GSE1: variants seen among roughly 807,000 people sequenced by gnomAD.
GSE1 encodes genetic suppressor element 1.
Under a neutral mutation model 112.6 loss-of-function variants are expected in GSE1, and 32 were observed. That is an observed-to-expected ratio of 0.28 (90% CI 0.21 to 0.38). GSE1 has a LOEUF of 0.38. GSE1 is among the 10% of genes least tolerant of loss of function. GSE1 has a pLI of 1.00. For missense variants in GSE1, 2,348 were observed against 1,699.2 expected, an observed-to-expected ratio of 1.38 and a Z score of -6.71; for synonymous variants, 1,115 against 735.6, an observed-to-expected ratio of 1.52 and a Z score of -8.35.
At chr16:85,499,747 A>C (rs952554373) in intron 2 of GSE1, among the ~76,000 whole-genome samples, 5 of 152,250 alleles carry the variant, frequency 3.3e-5, no homozygotes, top group African/African-American at 1.2e-4. Context: ...ATAAAAGGTA[A>C]AATTTCAACC....
chr16:85,195,165 A>G (rs963079529), intron 1 of GSE1, among the ~76,000 whole-genome samples: 3 of 152,158 alleles, frequency 2.0e-5, no homozygotes, highest in Admixed American at 2.0e-4. Context: ...AATTTTAAGT[A>G]CTTTAATATT....
chr16:85,507,149 C>A (rs1167319395), intron 2 of GSE1, among the ~76,000 whole-genome samples: 1 of 152,190 alleles, frequency 6.6e-6, no homozygotes, highest in African/African-American at 2.4e-5. Flanking sequence ...GCTCGCCGGC[C>A]CTGAACCACG....
intron 1 of GSE1, among the ~76,000 whole-genome samples, chr16:85,217,023 C>T (rs2075316056): frequency 1.3e-5 from 2 of 152,144 alleles, no homozygotes; most frequent in Admixed American, 6.5e-5. Context: ...GACACAGGGC[C>T]GTAGAGGCGA....
At chr16:85,357,611 G>A (rs1396813629) in exon 2 of GSE1, 43 of 1,288,898 alleles carry the variant, frequency 3.3e-5, no homozygotes, top group East Asian at 5.5e-5. Flanking sequence ...CAGAGCAGCC[G>A]GGAGGAGGAC....
rs1281814943 is a variant in GSE1 at position 85,428,036 on chromosome 16, G to A, written c.2464+70393G>A. Among the ~76,000 whole-genome samples the A allele has an allele frequency of 2.0e-5, 3 of 152,314 alleles. No homozygotes were observed. In the South Asian group the frequency reaches 6.2e-4, roughly 32 times the overall value. On this transcript the variant is annotated intron_variant, in intron 2 of 2. Transcript: ENST00000637419. Reference sequence around the variant, plus strand: ...TTCAAGTGCTCCATGGCCATGCGTGGCCCGTGGCTGCTGTATTGGACAGGA... The same window carrying A: ...TTCAAGTGCTCCATGGCCATGCGTGACCCGTGGCTGCTGTATTGGACAGGA...
intron 2 of GSE1, among the ~76,000 whole-genome samples, chr16:85,491,746 G>C (rs976373773): frequency 6.6e-6 from 1 of 152,154 alleles, no homozygotes; most frequent in Admixed American, 6.5e-5. Flanking sequence ...TGAAAGCCAG[G>C]TCTCAGCGCC....
intron 3 of GSE1, among the ~76,000 whole-genome samples, chr16:85,649,179 C>T (rs2051127978): frequency 6.6e-6 from 1 of 152,106 alleles, no homozygotes; most frequent in African/African-American, 2.4e-5. Context: ...GGTTTAGCGC[C>T]CACCCTAATG....
At chr16:85,246,406 C>CACACACACCCCACACGCTGTCT (rs1905772807) in intron 1 of GSE1, among the ~76,000 whole-genome samples, 1 of 5,136 alleles carries the variant, frequency 1.9e-4, no homozygotes, top group Admixed American at 2.8e-3. Context: ...ACGCTGTCTA[C>CACACACACCCCACACGCTGTCT]ACACACACAC....
intron 1 of GSE1, among the ~76,000 whole-genome samples, chr16:85,193,018 C>T (rs1220898319): frequency 6.6e-6 from 1 of 152,224 alleles, no homozygotes; most frequent in African/African-American, 2.4e-5. Flanking sequence ...CTAGGAGGCT[C>T]TTCCCCCGGC....
Position 85,668,265 on chromosome 16 carries a change from C to T in GSE1, c.3256C>T (p.Pro1086Ser). The stretch of plus-strand genomic sequence containing the variant: ...CCAGCACAATGGGCAGCAGGAGCCC[C>T]CCACTGCAAGGAAGGGCCCCCCAAC... ...PPQHNGQQEP[P>S]TARKGPPTQE... The change falls in exon 14 of 16, where the codon CCC (proline) becomes TCC (serine). Residue 1086 changes from proline to serine, a missense_variant. By Grantham distance (74) the Pro-to-Ser change is moderately conservative. Transcript: ENST00000253458. 1.2e-6 allele frequency: 2 copies of T among 1,612,618 alleles called. No individual in the cohort carries two copies. Among genetic ancestry groups the T allele is most frequent in the East Asian group, 2.2e-5 (1 of 44,858 alleles).
At chr16:85,383,336 C>T (rs568529204) in intron 2 of GSE1, among the ~76,000 whole-genome samples, 6 of 151,960 alleles carry the variant, frequency 3.9e-5, no homozygotes, top group Admixed American at 1.3e-4. Flanking sequence ...ACACACACAC[C>T]GTGACATACA....
At chr16:85,427,158 G>T (rs1205760749) in intron 2 of GSE1, among the ~76,000 whole-genome samples, 1 of 152,160 alleles carries the variant, frequency 6.6e-6, no homozygotes, top group Non-Finnish European at 1.5e-5. Flanking sequence ...GACAGCAGCT[G>T]CCCGCAGGTT....
At chr16:85,307,745 C>G (rs1396528979) in intron 1 of GSE1, among the ~76,000 whole-genome samples, 1 of 152,218 alleles carries the variant, frequency 6.6e-6, no homozygotes, top group East Asian at 1.9e-4. Flanking sequence ...AGCTGATGCC[C>G]TGTGGTTCAA....
At chr16:85,465,392 G>C (rs1339070058) in intron 2 of GSE1, among the ~76,000 whole-genome samples, 1 of 152,196 alleles carries the variant, frequency 6.6e-6, no homozygotes, top group Non-Finnish European at 1.5e-5. Flanking sequence ...TCCCATCTGG[G>C]TTCTCCTTCA....
rs189890299 is a variant in GSE1, at chr16:85,443,653, G to A, written c.2464+86010G>A. ...CGTGTGCCGAGTGCAGCGGGGAACC[G>A]AGGCCTGGCAGCAGGAGGTGCAATG... On this transcript the variant is annotated intron_variant, in intron 2 of 2. Transcript: ENST00000637419. Among the ~76,000 whole-genome samples the A allele has an allele frequency of 2.8e-3, 421 of 152,358 alleles. 1 individual carries two copies. The highest frequency in any genetic ancestry group is 9.5e-3 in the African/African-American group (396 of 41,582).
intron 1 of GSE1, among the ~76,000 whole-genome samples, chr16:85,558,413 CT>C (rs2045342110): frequency 6.6e-6 from 1 of 152,224 alleles, no homozygotes; most frequent in South Asian, 2.1e-4. Flanking sequence ...CTACACCCCT[CT>C]TCACCTGCCA....
At chr16:85,539,629 G>A (rs2044452118) in intron 2 of GSE1, among the ~76,000 whole-genome samples, 1 of 152,184 alleles carries the variant, frequency 6.6e-6, no homozygotes, top group Admixed American at 6.5e-5. Context: ...ACTGTTGGAG[G>A]CCGTTCTGTG....
At chr16:85,446,779 G>A (rs1340792087) in intron 2 of GSE1, among the ~76,000 whole-genome samples, 1 of 152,134 alleles carries the variant, frequency 6.6e-6, no homozygotes, top group Admixed American at 6.5e-5. Flanking sequence ...TTGGCTTCCT[G>A]GGTGCGTTGG....
At chr16:85,646,248 A>T (rs1301099735) in intron 2 of GSE1, among the ~76,000 whole-genome samples, 1 of 149,118 alleles carries the variant, frequency 6.7e-6, no homozygotes, top group Non-Finnish European at 1.5e-5. Flanking sequence ...ACCTGCTTCT[A>T]CCACGCATTC....
Sources: gnomAD v4.1 joint callset for allele counts (sites outside exome capture counted in the v4.1 genomes callset) on GRCh38, gnomAD v4.1.1 for gene constraint, MANE v1.5 for transcripts, NCBI Gene and HGNC (gene_info 2026-07-23, HGNC 2026-07-21) for gene names.